The following CYP11B1 variants were observed in gnomAD, a reference collection of about 807,000 sequenced individuals.
CYP11B1 encodes cytochrome P450 family 11 subfamily B member 1.
A neutral mutation model predicts 48.3 loss-of-function variants in CYP11B1; 34 were observed. The observed-to-expected ratio is 0.70, with a 90% confidence interval of 0.54 to 0.94. CYP11B1 has a LOEUF of 0.94. Among genes scored for constraint, CYP11B1 ranks in the 40% least tolerant of loss-of-function variants. The pLI, the probability that CYP11B1 is intolerant of heterozygous loss-of-function variation, is 0.00. For synonymous variants in CYP11B1, 291 were observed against 262.5 expected (o/e 1.11, Z -1.05); for missense variants, 688 against 657.4 (o/e 1.05, Z -0.51).
Position 142,877,315 on chromosome 8 carries a change from C to T in CYP11B1, c.396-93G>A, listed in dbSNP as rs61751142. The T allele has an allele frequency of 2.5e-4, 313 of 1,247,482 alleles. 1 individual carries two copies. In the African/African-American group the frequency reaches 4.1e-3, roughly 16 times the overall value. 77.3% of individuals were successfully genotyped at this position (1,247,482 alleles called of 1,614,324 possible). A position where few individuals can be genotyped will look rare whatever the true frequency, so the allele number is the denominator to read the frequency against. ...CCTCCTTGTCCCCAAGGGGAATCGG[C>T]CTGCAGGGAGCTGACTGGGGGCCCT... On this transcript the variant is annotated intron_variant, in intron 2 of 8. Coordinates refer to ENST00000292427, the MANE Select transcript of CYP11B1 (RefSeq NM_000497.4).
At position 142,879,706 on chromosome 8, in the gene CYP11B1, C is replaced by T. The variant is rs1817086019; in HGVS notation, c.108G>A (p.Leu36=). The T allele has an allele frequency of 6.2e-7, 1 of 1,614,140 alleles. No homozygotes were observed. Among genetic ancestry groups the T allele is most frequent in the African/African-American group, 1.3e-5 (1 of 74,958 alleles). The change falls in exon 1 of 9, where the codon CTG becomes CTA. Residue 36 remains leucine, a synonymous_variant. Transcript: ENST00000292427. ...TRAARVPRTV[L]PFEAMPRRPG... ...GACGCCGGGGCATGGCTTCAAAGGG[C>T]AGCACTGTCCTGGGGACCCGGGCGG... is the stretch of plus-strand genomic sequence containing the variant.
intron 2 of CYP11B1, among the ~76,000 whole-genome samples, chr8:142,878,308 G>T (rs1467854309): frequency 6.6e-6 from 1 of 152,102 alleles, no homozygotes; most frequent in Admixed American, 6.5e-5. Context: ...TCCCAAAAGC[G>T]TTCTCCTCCT....
At position 142,875,230 on chromosome 8, in the gene CYP11B1, T is replaced by G; in HGVS notation, c.1200+4A>C. On this transcript the variant is annotated splice_donor_region_variant and intron_variant, in intron 7 of 8. Coordinates refer to ENST00000292427, the MANE Select transcript of CYP11B1 (RefSeq NM_000497.4). The stretch of plus-strand genomic sequence containing the variant: ...TCAGCTCGAGGGGTGTGGGGCTCAC[T>G]CACCCCAGCTGGGATGTGGTAGTTC... 2 of 1,613,994 alleles carry G rather than the reference T, an allele frequency of 1.2e-6. No individual in the cohort carries two copies. Among genetic ancestry groups the G allele is most frequent in the Non-Finnish European group, 1.7e-6 (2 of 1,179,950 alleles).
intron 2 of CYP11B1, chr8:142,877,948 G>T: frequency 1.3e-6 from 1 of 795,710 alleles, no homozygotes; most frequent in Non-Finnish European, 2.0e-6. Context: ...TCAACACCAT[G>T]TGTGAAGAGA....
Position 142,875,120 on chromosome 8 carries a change from C to T in CYP11B1, c.1235G>A (p.Arg412His). The stretch of plus-strand genomic sequence containing the variant: ...AGGCCTCGGGAACAAGGCGGGGTTG[C>T]GACCCAGAGAGTAGAGGAACACGCG... ...LVRVFLYSLG[R>H]NPALFPRPER... Residue 412 changes from arginine to histidine, a missense_variant, in exon 8 of 9, where the codon CGC (arginine) becomes CAC (histidine). Arg to His is a conservative substitution (Grantham distance 29). Coordinates refer to ENST00000292427, the MANE Select transcript of CYP11B1 (RefSeq NM_000497.4). 6.2e-7 allele frequency: 1 copy of T among 1,614,242 alleles called. No homozygotes were observed. The highest frequency in any genetic ancestry group is 8.5e-7 in the Non-Finnish European group (1 of 1,180,040).
intron 8 of CYP11B1, 144 bp downstream of exon 8, chr8:142,874,813 C>T: frequency 9.6e-7 from 1 of 1,045,874 alleles, no homozygotes; most frequent in African/African-American, 1.6e-5. Context: ...TCAACCTGGC[C>T]CAGGTTCTCC....
chr8:142,874,420 A>G lies in CYP11B1; in HGVS notation c.1465T>C (p.Leu489=), dbSNP rs373736765. The stretch of plus-strand genomic sequence containing the variant: ...AGGAGGGGGAACATGCTGGGCCTCA[A>G]TATGAAGCTGTAGACCATCTTTATG... ...EDIKMVYSFI[L]RPSMFPLLTF... Residue 489 remains leucine, a synonymous_variant, in exon 9 of 9, where the codon TTG becomes CTG. Coordinates refer to ENST00000292427, the MANE Select transcript of CYP11B1 (RefSeq NM_000497.4). 171 of 1,613,960 alleles carry G rather than the reference A, an allele frequency of 1.1e-4. No individual in the cohort carries two copies. Among genetic ancestry groups the G allele is most frequent in the Non-Finnish European group, 1.4e-4 (167 of 1,179,970 alleles).
In CYP11B1 at chr8:142,879,731, GCT is replaced by G; in HGVS notation, c.81_82del (p.Arg27SerfsTer12). The G allele has an allele frequency of 6.2e-7, 1 of 1,614,228 alleles. No homozygotes were observed. Among genetic ancestry groups the G allele is most frequent in the Non-Finnish European group, 8.5e-7 (1 of 1,180,046 alleles). On this transcript the variant is annotated frameshift_variant, in exon 1 of 9. Coordinates refer to ENST00000292427, the MANE Select transcript of CYP11B1 (RefSeq NM_000497.4). LOFTEE classifies it high-confidence loss of function. ...CAGCACTGTCCTGGGGACCCGGGCG[GCT>G]CTCGTGCCCAGTGCCTGTGCCCTTT...
In CYP11B1 at chr8:142,879,048, A is replaced by G. The variant is rs952727650; in HGVS notation, c.379T>C (p.Cys127Arg). Residue 127 changes from cysteine to arginine, a missense_variant, in exon 2 of 9, where the codon TGT becomes CGT. Cys to Arg is a radical substitution (Grantham distance 180, BLOSUM62 -3). Coordinates refer to ENST00000292427, the MANE Select transcript of CYP11B1 (RefSeq NM_000497.4). ...GCCGCTTACAGCAAGAACACGCCAC[A>G]TTTGTGCCCACGATGTTGTCTGTAG... Reference protein sequence around the residue: ...VAYRQHRGHKCGVFLLNGPEW... With the variant: ...VAYRQHRGHKRGVFLLNGPEW... 2.5e-6 allele frequency: 4 copies of G among 1,613,904 alleles called. No homozygotes were observed. Among genetic ancestry groups the G allele is most frequent in the Admixed American group, 1.7e-5 (1 of 59,992 alleles).
At position 142,875,075 on chromosome 8, in the gene CYP11B1, C is replaced by T. The variant is rs754432887; in HGVS notation, c.1280G>A (p.Arg427His). 37 of 1,614,142 alleles carry T rather than the reference C, an allele frequency of 2.3e-5. No individual in the cohort carries two copies. In the South Asian group the frequency reaches 4.0e-4, roughly 17 times the overall value. The change falls in exon 8 of 9, where the codon CGC becomes CAC. Residue 427 changes from arginine (R) to histidine (H), a missense_variant. Arg to His is a conservative substitution (Grantham distance 29). Coordinates refer to ENST00000292427, the MANE Select transcript of CYP11B1 (RefSeq NM_000497.4). Reference sequence around the variant, plus strand: ...GCCGGAGCCCCTGATGTCTAGCCAGCGCTGGGGGTTATAGCGCTCAGGCCT... The same window carrying T: ...GCCGGAGCCCCTGATGTCTAGCCAGTGCTGGGGGTTATAGCGCTCAGGCCT... Reference protein sequence around the residue: ...FPRPERYNPQRWLDIRGSGRN... With the variant: ...FPRPERYNPQHWLDIRGSGRN...
At chr8:142,874,839 C>T (rs1816880833) in intron 8 of CYP11B1, 118 bp downstream of exon 8, 2 of 1,304,102 alleles carry the variant, frequency 1.5e-6, no homozygotes, top group Non-Finnish European at 2.1e-6. Flanking sequence ...CCGGCTCTGC[C>T]CAGTCCAGGA....
At chr8:142,879,379 G>T (rs200318572) in intron 1 of CYP11B1, 192 bp from the exon 2 acceptor site, 1 of 1,610,030 alleles carries the variant, frequency 6.2e-7, no homozygotes, top group Non-Finnish European at 8.5e-7. Context: ...TCTCTGCAGC[G>T]AGCTGGGATT....
At position 142,874,330 on chromosome 8, in the gene CYP11B1, G is replaced by A. The variant is rs1241606918; in HGVS notation, c.*43C>T. On this transcript the variant is annotated 3_prime_UTR_variant, in exon 9 of 9. Transcript: ENST00000292427. Reference sequence around the variant, plus strand: ...GGGTGGCCTGGGGTCAGGCAGAAAGGGAGGCTGGTGGCCAGGCTGGGACCC... The same window carrying A: ...GGGTGGCCTGGGGTCAGGCAGAAAGAGAGGCTGGTGGCCAGGCTGGGACCC... The A allele has an allele frequency of 1.4e-6, 2 of 1,404,542 alleles. No individual in the cohort carries two copies. The highest frequency in any genetic ancestry group is 2.0e-6 in the Non-Finnish European group (2 of 988,750). 87.0% of individuals were successfully genotyped at this position (1,404,542 alleles called of 1,614,324 possible).
In CYP11B1 at chr8:142,874,199, T is replaced by G. The variant is rs1586556281; in HGVS notation, c.*174A>C. 8 of 655,140 alleles carry G rather than the reference T, an allele frequency of 1.2e-5. No individual in the cohort carries two copies. In the East Asian group the frequency reaches 2.2e-4, roughly 18 times the overall value. 40.6% of individuals were successfully genotyped at this position (655,140 alleles called of 1,614,324 possible). On this transcript the variant is annotated 3_prime_UTR_variant, in exon 9 of 9. Transcript: ENST00000292427. ...CCCAGCTGTGCCCTGGCATTGCTGC[T>G]TAGCCTGGCAAACCCTGGTCCTAGA...
chr8:142,877,280 C>G (rs61751144), intron 2 of CYP11B1, 58 bp from the exon 3 acceptor site: 16 of 1,475,932 alleles, frequency 1.1e-5, no homozygotes, highest in Middle Eastern at 2.0e-4. Context: ...GGCCCTGACC[C>G]GTATCCCATC....
intron 2 of CYP11B1, 69 bp from the exon 3 acceptor site, chr8:142,877,291 C>T (rs1414853185): frequency 3.5e-6 from 5 of 1,420,916 alleles, no homozygotes; most frequent in Non-Finnish European, 4.9e-6. Context: ...GTATCCCATC[C>T]TCCTTGTCCC....
chr8:142,875,181 G>T, intron 7 of CYP11B1, 27 bp from the exon 8 acceptor site: 3 of 1,614,262 alleles, frequency 1.9e-6, no homozygotes, highest in Non-Finnish European at 2.5e-6. Context: ...GCGGGGATCA[G>T]GGAATGACTG....
At position 142,874,924 on chromosome 8, in the gene CYP11B1, G is replaced by C. The variant is rs370772088; in HGVS notation, c.1398+33C>G. On this transcript the variant is annotated intron_variant, in intron 8 of 8. Coordinates refer to ENST00000292427, the MANE Select transcript of CYP11B1 (RefSeq NM_000497.4). The stretch of plus-strand genomic sequence containing the variant: ...GCCCCGCCCATGCTGCCCAGACCCC[G>C]CCCAGGCCCCTCCCCAGCCCGGGCC... 1.6e-5 allele frequency: 26 copies of C among 1,609,962 alleles called. No individual in the cohort carries two copies. In the South Asian group the frequency reaches 2.5e-4, roughly 16 times the overall value.
intron 4 of CYP11B1, 48 bp from the exon 5 acceptor site, chr8:142,876,443 A>T (rs779449583): frequency 1.3e-6 from 2 of 1,585,958 alleles, no homozygotes; most frequent in Non-Finnish European, 1.7e-6. Flanking sequence ...GCTGGGAGAC[A>T]TCCTTCAGTG....
Sources: gnomAD v4.1 joint callset for allele counts (sites outside exome capture counted in the v4.1 genomes callset) on GRCh38, gnomAD v4.1.1 for gene constraint, MANE v1.5 for transcripts, NCBI Gene and HGNC (gene_info 2026-07-23, HGNC 2026-07-21) for gene names.